FAM222A: variants seen among roughly 807,000 people sequenced by gnomAD.
FAM222A encodes the protein family with sequence similarity 222 member A.
In FAM222A, 7 loss-of-function variants were observed where a neutral mutation model predicts 25.8. The observed-to-expected ratio is 0.27, with a 90% confidence interval of 0.15 to 0.51. The LOEUF (loss-of-function observed/expected upper bound fraction) is 0.51, where lower values mean the gene tolerates loss of function less well. Among genes scored for constraint, FAM222A ranks in the 20% least tolerant of loss-of-function variants. The pLI is 0.97. For synonymous variants in FAM222A, 294 were observed against 298.8 expected (o/e 0.98, Z 0.17); for missense variants, 573 against 640.5 (o/e 0.89, Z 1.14).
At chr12:109,725,150 G>T (rs1251500885) in intron 1 of FAM222A, among the ~76,000 whole-genome samples, 1 of 152,170 alleles carries the variant, frequency 6.6e-6, no homozygotes, top group Non-Finnish European at 1.5e-5. Context: ...GGAGAGTCCA[G>T]CCCAGAGCTG....
At chr12:109,723,306 G>GAGGCC (rs1269186861) in intron 1 of FAM222A, among the ~76,000 whole-genome samples, 4 of 152,206 alleles carry the variant, frequency 2.6e-5, no homozygotes, top group Non-Finnish European at 5.9e-5. Context: ...GGGACATAAG[G>GAGGCC]AGGCCAGGCC....
chr12:109,754,343 G>GC (rs1888648402), intron 2 of FAM222A, among the ~76,000 whole-genome samples: 2 of 151,946 alleles, frequency 1.3e-5, no homozygotes, highest in Non-Finnish European at 2.9e-5. Context: ...AGATCAGCCT[G>GC]GCCAACATAT....
intron 1 of FAM222A, among the ~76,000 whole-genome samples, chr12:109,718,985 TG>T (rs777010612): frequency 1.3e-5 from 2 of 152,162 alleles, no homozygotes; most frequent in African/African-American, 2.4e-5. Context: ...GTCTCTGTGA[TG>T]GGGGGCTTGC....
chr12:109,762,458 A>G (rs905649649), intron 2 of FAM222A, among the ~76,000 whole-genome samples: 1 of 152,184 alleles, frequency 6.6e-6, no homozygotes, highest in Admixed American at 6.5e-5. Flanking sequence ...CGCCACTTCC[A>G]TGGCATCCTA....
chr12:109,746,542 A>G (rs962139691), intron 2 of FAM222A, among the ~76,000 whole-genome samples: 1 of 152,140 alleles, frequency 6.6e-6, no homozygotes. Flanking sequence ...TTTATTGGGT[A>G]CAAAGTGTGA....
intron 1 of FAM222A, among the ~76,000 whole-genome samples, chr12:109,742,943 A>G (rs1888285733): frequency 6.6e-6 from 1 of 152,128 alleles, no homozygotes; most frequent in Non-Finnish European, 1.5e-5. Context: ...GACTCCAGAC[A>G]CCTGTTTAGT....
intron 2 of FAM222A, among the ~76,000 whole-genome samples, chr12:109,764,715 G>A (rs1888994134): frequency 6.6e-6 from 1 of 152,132 alleles, no homozygotes; most frequent in South Asian, 2.1e-4. Flanking sequence ...CTGTAAAATT[G>A]CATAAAAGTG....
chr12:109,753,716 G>T (rs12315952), intron 2 of FAM222A, among the ~76,000 whole-genome samples: 1 of 94,796 alleles, frequency 1.1e-5, no homozygotes, highest in Non-Finnish European at 2.4e-5. Flanking sequence ...CCCCACCCCC[G>T]CCCTACAGAC....
At position 109,720,050 on chromosome 12, in the gene FAM222A, G is replaced by A. The variant is rs890016679; in HGVS notation, c.-47+5153G>A. The A allele has an allele frequency of 3.1e-6, 3 of 971,628 alleles. No individual in the cohort carries two copies. The Admixed American group carries it at 1.8e-4, about 60-fold the overall frequency. 60.2% of individuals were successfully genotyped at this position (971,628 alleles called of 1,614,324 possible). ...CAGCTTTCTCATGGGCTTGTGGGTG[G>A]GGTGAGCTTGCATGTGCATAGTGCT... is the stretch of plus-strand genomic sequence containing the variant. On this transcript the variant is annotated intron_variant, in intron 1 of 2. Coordinates refer to ENST00000538780, the MANE Select transcript of FAM222A (RefSeq NM_032829.3).
intron 1 of FAM222A, among the ~76,000 whole-genome samples, chr12:109,739,826 G>A (rs1392608515): frequency 1.3e-5 from 2 of 152,240 alleles, no homozygotes; most frequent in African/African-American, 4.8e-5. Context: ...ACCTTGCACA[G>A]ATGGCCTTCC....
Position 109,744,949 on chromosome 12 carries a change from C to A in FAM222A, c.82+721C>A, listed in dbSNP as rs527790442. ...TGTCTCCAGGTCACCGCGGTCCCCA[C>A]CCCTCCCTATTGCTTCTGTGCTATA... On this transcript the variant is annotated intron_variant, in intron 2 of 2. Coordinates refer to ENST00000538780, the MANE Select transcript of FAM222A (RefSeq NM_032829.3). 6 of 218,984 alleles carry A rather than the reference C, an allele frequency of 2.7e-5. No homozygotes were observed. The East Asian group carries it at 7.3e-4, about 27-fold the overall frequency. 13.6% of individuals were successfully genotyped at this position (218,984 alleles called of 1,614,324 possible).
chr12:109,731,633 C>T (rs1290847476), intron 1 of FAM222A, among the ~76,000 whole-genome samples: 1 of 152,150 alleles, frequency 6.6e-6, no homozygotes, highest in Admixed American at 6.5e-5. Flanking sequence ...AGCTTCCCAG[C>T]CCTGGAGCCT....
rs926698639 is a variant in FAM222A at position 109,714,090 on chromosome 12, C to T, written c.-854C>T. 18 of 152,086 alleles carry T rather than the reference C, an allele frequency of 1.2e-4. No individual in the cohort carries two copies. The highest frequency in any genetic ancestry group is 4.1e-4 in the African/African-American group (17 of 41,316). The allele number at this position is 152,086 out of a possible 1,614,324, so 9.4% of individuals were successfully genotyped here. A position where few individuals can be genotyped will look rare whatever the true frequency, so the allele number is the denominator to read the frequency against. ...CCCTGCTGCGGCTTGCGAGCTCGCA[C>T]ACCCGGTGCACAGTCCCCCGGGCCG... is the stretch of plus-strand genomic sequence containing the variant. On this transcript the variant is annotated 5_prime_UTR_variant, in exon 1 of 3. Transcript: ENST00000538780. This position sits in a 1 kb window ranked among gnomAD's most constrained non-coding sequence, Gnocchi z 4.2.
intron 1 of FAM222A, among the ~76,000 whole-genome samples, chr12:109,727,771 A>G (rs1304810508): frequency 6.6e-6 from 1 of 152,124 alleles, no homozygotes; most frequent in Non-Finnish European, 1.5e-5. Context: ...TCCCCAGGGT[A>G]GGCTAGGGGA....
At chr12:109,725,243 T>C (rs1262459373) in intron 1 of FAM222A, among the ~76,000 whole-genome samples, 3 of 152,130 alleles carry the variant, frequency 2.0e-5, no homozygotes, top group Non-Finnish European at 4.4e-5. Context: ...TTTACAGATA[T>C]ACTGTGTGCT....
In FAM222A at chr12:109,768,467, T is replaced by G; in HGVS notation, c.538T>G (p.Ser180Ala). 1 of 1,602,812 alleles carries G rather than the reference T, an allele frequency of 6.2e-7. No individual in the cohort carries two copies. Among genetic ancestry groups the G allele is most frequent in the Non-Finnish European group, 8.5e-7 (1 of 1,179,006 alleles). The change falls in exon 3 of 3, where the codon TCC (serine) becomes GCC (alanine). Residue 180 changes from serine (S) to alanine (A), a missense_variant. Coordinates refer to ENST00000538780, the MANE Select transcript of FAM222A (RefSeq NM_032829.3). Reference sequence around the variant, plus strand: ...CCTGCCCGCAGCCGCCACTGCCGCCTCCGTCATCCCCCTGCCGGGCCGGGG... The same window carrying G: ...CCTGCCCGCAGCCGCCACTGCCGCCGCCGTCATCCCCCTGCCGGGCCGGGG... ...PGLPAAATAA[S>A]VIPLPGRGLP... is the part of the protein sequence containing the mutation.
At chr12:109,727,521 G>C (rs1331582873) in intron 1 of FAM222A, among the ~76,000 whole-genome samples, 1 of 152,188 alleles carries the variant, frequency 6.6e-6, no homozygotes, top group Non-Finnish European at 1.5e-5. Context: ...CCATTAACCT[G>C]GTTTGCTGTG....
In FAM222A at chr12:109,733,063, AGGT is replaced by A. The variant is rs1592782285; in HGVS notation, c.-46-11036_-46-11034del. ...GTGGTCAAGGAGGGTCTCTCGGAGG[AGGT>A]GATGTTTGAGCTGAGGTGTGAATGG... On this transcript the variant is annotated intron_variant, in intron 1 of 2. Transcript: ENST00000538780. Among the ~76,000 whole-genome samples the A allele has an allele frequency of 4.6e-5, 7 of 152,156 alleles. No individual in the cohort carries two copies. In the East Asian group the frequency reaches 1.4e-3, roughly 29 times the overall value.
intron 2 of FAM222A, chr12:109,744,622 C>CT (rs1286073546): frequency 1.0e-6 from 1 of 985,300 alleles, no homozygotes; most frequent in Non-Finnish European, 1.2e-6. Context: ...GGCCCATGAG[C>CT]TGTGTGGTCT....
Sources: gnomAD v4.1 joint callset for allele counts (sites outside exome capture counted in the v4.1 genomes callset) on GRCh38, gnomAD v4.1.1 for gene constraint, Gnocchi (gnomAD v3.1) non-coding constraint, MANE v1.5 for transcripts, NCBI Gene and HGNC (gene_info 2026-07-23, HGNC 2026-07-21) for gene names.